RNGTT: variants seen among roughly 807,000 people sequenced by gnomAD.
The protein encoded by RNGTT is mRNA-capping enzyme.
Under a neutral mutation model 79.3 loss-of-function variants are expected in RNGTT, and 33 were observed. The ratio of observed to expected loss-of-function variants is 0.42; its 90% CI spans 0.32 to 0.56. The LOEUF (loss-of-function observed/expected upper bound fraction) is 0.56, where lower values mean the gene tolerates loss of function less well. Among genes scored for constraint, RNGTT ranks in the 20% least tolerant of loss-of-function variants. The pLI is 0.17. For missense variants in RNGTT, 497 were observed against 739.1 expected, an observed-to-expected ratio of 0.67 and a Z score of 3.80; for synonymous variants, 222 against 235.9, an observed-to-expected ratio of 0.94 and a Z score of 0.54.
chr6:88,885,463 T>C (rs1782825593), intron 8 of RNGTT, among the ~76,000 whole-genome samples: 1 of 151,776 alleles, frequency 6.6e-6, no homozygotes, highest in Admixed American at 6.6e-5. Flanking sequence ...TGTCTATGAG[T>C]CCACACTGAT....
intron 13 of RNGTT, among the ~76,000 whole-genome samples, chr6:88,762,018 G>C (rs2127836791): frequency 6.6e-6 from 1 of 151,878 alleles, no homozygotes; most frequent in East Asian, 2.0e-4. Flanking sequence ...AGAACACCCA[G>C]ACCACTAGGG....
chr6:88,682,273 C>T (rs963804894), intron 13 of RNGTT, among the ~76,000 whole-genome samples: 1 of 152,108 alleles, frequency 6.6e-6, no homozygotes, highest in Non-Finnish European at 1.5e-5. Context: ...AACTATAGTA[C>T]CCGTTATCAG....
At chr6:88,659,737 T>C (rs1484461713) in intron 14 of RNGTT, among the ~76,000 whole-genome samples, 3 of 152,306 alleles carry the variant, frequency 2.0e-5, no homozygotes, top group Admixed American at 6.5e-5. Context: ...TTTGAGGGAA[T>C]AGTCAATAAA....
At chr6:88,863,573 A>G (rs767951576) in intron 8 of RNGTT, among the ~76,000 whole-genome samples, 2 of 152,130 alleles carry the variant, frequency 1.3e-5, no homozygotes, top group Non-Finnish European at 2.9e-5. Context: ...ATCGTCTTCA[A>G]AGTCTGTTTC....
chr6:88,630,806 C>G (rs965344675), intron 14 of RNGTT, among the ~76,000 whole-genome samples: 4 of 151,424 alleles, frequency 2.6e-5, no homozygotes, highest in African/African-American at 4.9e-5. Context: ...TTTTTAGTAA[C>G]TTGTTTTTTT....
In RNGTT at chr6:88,867,857, C is replaced by T. The variant is rs74703541; in HGVS notation, c.897-14093G>A. On this transcript the variant is annotated intron_variant, in intron 8 of 15. Coordinates refer to ENST00000369485, the MANE Select transcript of RNGTT (RefSeq NM_003800.5). ...ACTTTGAGTAAAATTTTCACTAAGT[C>T]CCAAAAAAGGTTCACCTAACAGTCT... Among the ~76,000 whole-genome samples, 732 of 152,110 alleles carry T rather than the reference C, an allele frequency of 4.8e-3. 2 individuals are homozygous for T. Among genetic ancestry groups the T allele is most frequent in the African/African-American group, 0.017 (693 of 41,496 alleles).
At chr6:88,858,843 A>G (rs1299252299) in intron 8 of RNGTT, among the ~76,000 whole-genome samples, 1 of 152,188 alleles carries the variant, frequency 6.6e-6, no homozygotes, top group African/African-American at 2.4e-5. Flanking sequence ...TGGAGTACAC[A>G]GACTAGTAGG....
chr6:88,774,333 G>T (rs1346791193), intron 12 of RNGTT, among the ~76,000 whole-genome samples: 3 of 152,096 alleles, frequency 2.0e-5, no homozygotes, highest in Non-Finnish European at 4.4e-5. Flanking sequence ...ACAAGTGTTG[G>T]TGAGAATGTG....
chr6:88,933,934 G>C (rs1432975656), intron 2 of RNGTT, among the ~76,000 whole-genome samples: 1 of 152,124 alleles, frequency 6.6e-6, no homozygotes, highest in Non-Finnish European at 1.5e-5. Flanking sequence ...TTCCATGGTG[G>C]CTGTACTAAT....
chr6:88,724,117 G>C (rs1238127332), intron 13 of RNGTT, among the ~76,000 whole-genome samples: 1 of 152,200 alleles, frequency 6.6e-6, no homozygotes, highest in South Asian at 2.1e-4. Context: ...GTTATAGTGA[G>C]CTAAGGTTAA....
intron 14 of RNGTT, among the ~76,000 whole-genome samples, chr6:88,621,333 G>C (rs991338360): frequency 2.6e-5 from 4 of 152,090 alleles, no homozygotes; most frequent in African/African-American, 4.8e-5. Context: ...CTCTTCATTG[G>C]TTGTACCAGT....
intron 2 of RNGTT, among the ~76,000 whole-genome samples, chr6:88,930,239 A>C (rs986732436): frequency 1.4e-5 from 2 of 143,962 alleles, no homozygotes; most frequent in African/African-American, 5.5e-5. Flanking sequence ...ATCTTATTAT[A>C]TATATTTTAT....
chr6:88,812,579 C>T (rs1479116598), intron 11 of RNGTT, among the ~76,000 whole-genome samples: 3 of 152,298 alleles, frequency 2.0e-5, no homozygotes, highest in Admixed American at 1.3e-4. Flanking sequence ...CTTGGAAGAG[C>T]AGGTGGCAGG....
At chr6:88,963,116 T>G (rs531761504) in intron 1 of RNGTT, among the ~76,000 whole-genome samples, 1 of 152,228 alleles carries the variant, frequency 6.6e-6, no homozygotes, top group South Asian at 2.1e-4. Flanking sequence ...CTGTCTACCT[T>G]CACATTCGCA....
intron 14 of RNGTT, among the ~76,000 whole-genome samples, chr6:88,665,422 C>A (rs1483422129): frequency 6.6e-6 from 1 of 152,114 alleles, no homozygotes; most frequent in East Asian, 1.9e-4. Context: ...CCATGGAACA[C>A]CCCCCTCCTA....
chr6:88,670,097 G>A (rs1774574238), intron 14 of RNGTT, among the ~76,000 whole-genome samples: 1 of 152,146 alleles, frequency 6.6e-6, no homozygotes, highest in African/African-American at 2.4e-5. Flanking sequence ...GTGGAAAGAG[G>A]GGTCTGTGGA....
chr6:88,635,203 T>C (rs955816776), intron 14 of RNGTT, among the ~76,000 whole-genome samples: 8 of 152,140 alleles, frequency 5.3e-5, no homozygotes, highest in African/African-American at 1.9e-4. Context: ...TGTGCTTATG[T>C]ATGTATGCTT....
At chr6:88,734,381 G>A (rs1777214795) in intron 13 of RNGTT, among the ~76,000 whole-genome samples, 1 of 151,932 alleles carries the variant, frequency 6.6e-6, no homozygotes, top group Non-Finnish European at 1.5e-5. Context: ...TTCAACCAGA[G>A]ATGTCAGAAA....
At chr6:88,764,194 C>T (rs56852211) in intron 13 of RNGTT, among the ~76,000 whole-genome samples, 3,568 of 152,324 alleles carry the variant, frequency 0.023, 160 homozygotes, top group African/African-American at 0.08. Context: ...GTGCTTGCTT[C>T]CTCTGCAAGA....
Sources: gnomAD v4.1 joint callset for allele counts (sites outside exome capture counted in the v4.1 genomes callset) on GRCh38, gnomAD v4.1.1 for gene constraint, MANE v1.5 for transcripts, NCBI Gene and HGNC (gene_info 2026-07-23, HGNC 2026-07-21) for gene names.